The following SLC39A11 variants were observed in gnomAD, a reference collection of about 807,000 sequenced individuals.
SLC39A11 encodes solute carrier family 39 member 11, also known as zinc transporter ZIP11.
In SLC39A11, 33 loss-of-function variants were observed where a neutral mutation model predicts 36.1. That is an observed-to-expected ratio of 0.91 (90% CI 0.69 to 1.22). The LOEUF (loss-of-function observed/expected upper bound fraction) is 1.22, where lower values mean the gene tolerates loss of function less well. Among genes scored for constraint, SLC39A11 ranks in the 50% most tolerant of loss-of-function variants. SLC39A11 has a pLI of 0.00. For missense variants in SLC39A11, 432 were observed against 430.3 expected (o/e 1.00, Z -0.03); for synonymous variants, 166 against 170.3 (o/e 0.97, Z 0.20).
chr17:72,986,350 G>T (rs2088755292), intron 4 of SLC39A11, among the ~76,000 whole-genome samples: 1 of 152,186 alleles, frequency 6.6e-6, no homozygotes, highest in East Asian at 1.9e-4. Context: ...CAAACTGGTG[G>T]TTGCCAAGCC....
chr17:73,041,451 G>A (rs9894261), intron 3 of SLC39A11, among the ~76,000 whole-genome samples: 87,836 of 151,984 alleles, frequency 0.58, 27,353 homozygotes, highest in East Asian at 0.74. Context: ...AGACCTGATG[G>A]AAGCCTGGGT....
intron 6 of SLC39A11, among the ~76,000 whole-genome samples, chr17:72,830,590 C>T (rs989626848): frequency 1.3e-5 from 2 of 152,134 alleles, no homozygotes; most frequent in Non-Finnish European, 2.9e-5. Flanking sequence ...CTCCAGGCAC[C>T]ATCCCCTGTC....
chr17:73,076,340 G>A (rs1299604895), intron 3 of SLC39A11, among the ~76,000 whole-genome samples: 1 of 152,150 alleles, frequency 6.6e-6, no homozygotes, highest in African/African-American at 2.4e-5. Flanking sequence ...AACAACTTGC[G>A]AAATATATTT....
At chr17:72,840,453 G>C (rs528816205) in intron 6 of SLC39A11, among the ~76,000 whole-genome samples, 2 of 152,196 alleles carry the variant, frequency 1.3e-5, no homozygotes, top group Non-Finnish European at 2.9e-5. Flanking sequence ...GGCCCACCTG[G>C]ACAATGTAGA....
intron 4 of SLC39A11, among the ~76,000 whole-genome samples, chr17:72,972,032 CATT>C (rs1380735885): frequency 2.0e-5 from 3 of 152,170 alleles, no homozygotes; most frequent in African/African-American, 7.2e-5. Context: ...TCACCAGAAT[CATT>C]ATTAAACCAA....
rs139099523 is a variant in SLC39A11 at position 72,806,606 on chromosome 17, T to C, written c.601+43028A>G. ...TCACTTTTGCACTTTTTTTTGAGACTGAGTCCCTCTTTGTCGCCCAGACTG... is the reference window on the plus strand; with the variant it reads ...TCACTTTTGCACTTTTTTTTGAGACCGAGTCCCTCTTTGTCGCCCAGACTG... On this transcript the variant is annotated intron_variant, in intron 6 of 9. Coordinates refer to ENST00000255559, the MANE Select transcript of SLC39A11 (RefSeq NM_139177.4). Among the ~76,000 whole-genome samples the C allele has an allele frequency of 7.2e-5, 11 of 152,244 alleles. No individual in the cohort carries two copies. The East Asian group carries it at 1.2e-3, about 16-fold the overall frequency.
At chr17:72,719,415 G>C (rs534219776) in intron 7 of SLC39A11, among the ~76,000 whole-genome samples, 2 of 152,338 alleles carry the variant, frequency 1.3e-5, no homozygotes, top group East Asian at 3.9e-4. Context: ...ACAAGCACCA[G>C]TGCTCCTGAG....
intron 2 of SLC39A11, 101 bp downstream of exon 2, chr17:73,088,556 G>C (rs1473468004): frequency 1.2e-6 from 1 of 857,966 alleles, no homozygotes; most frequent in East Asian, 2.7e-5. Flanking sequence ...GGTGTGGCCA[G>C]GGGCACTGAA....
intron 5 of SLC39A11, among the ~76,000 whole-genome samples, chr17:72,941,817 C>A (rs2085119901): frequency 6.6e-6 from 1 of 151,998 alleles, no homozygotes; most frequent in Non-Finnish European, 1.5e-5. Context: ...TGCCCTCCTG[C>A]AAAATATTTT....
At chr17:72,739,226 C>T (rs2144053302) in intron 6 of SLC39A11, among the ~76,000 whole-genome samples, 1 of 151,722 alleles carries the variant, frequency 6.6e-6, no homozygotes, top group East Asian at 2.0e-4. Context: ...CTCCTGGGTT[C>T]AAGTGAGTCT....
chr17:73,047,804 C>T lies in SLC39A11; in HGVS notation c.148-16090G>A, dbSNP rs2059345615. ...CCAACATGGTGAAACCCCGTCTCTACTAAAAATACAAAAATTAGCTGGGCG... is the reference window on the plus strand; with the variant it reads ...CCAACATGGTGAAACCCCGTCTCTATTAAAAATACAAAAATTAGCTGGGCG... On this transcript the variant is annotated intron_variant, in intron 3 of 9. Transcript: ENST00000255559. Among the ~76,000 whole-genome samples the T allele has an allele frequency of 1.3e-5, 2 of 151,094 alleles. 1 individual carries two copies. The highest frequency in any genetic ancestry group is 4.2e-4 in the South Asian group (2 of 4,772).
intron 3 of SLC39A11, among the ~76,000 whole-genome samples, chr17:73,042,259 A>T (rs2059134094): frequency 6.6e-6 from 1 of 152,234 alleles, no homozygotes; most frequent in Admixed American, 6.5e-5. Context: ...AAATAGGGGA[A>T]AGAAAATTAT....
In SLC39A11 at chr17:72,905,172, C is replaced by CAAAAAAAAAAAAAAAA. The variant is rs58702930; in HGVS notation, c.430+42564_430+42579dup. Among the ~76,000 whole-genome samples the CAAAAAAAAAAAAAAAA allele has an allele frequency of 2.8e-4, 12 of 42,914 alleles. 1 individual carries two copies. Among genetic ancestry groups the CAAAAAAAAAAAAAAAA allele is most frequent in the African/African-American group, 1.1e-3 (12 of 10,972 alleles). The allele number at this position is 42,914 out of a possible 152,430, so 28.2% of individuals were successfully genotyped here. On this transcript the variant is annotated intron_variant, in intron 5 of 9. Coordinates refer to ENST00000255559, the MANE Select transcript of SLC39A11 (RefSeq NM_139177.4). The stretch of plus-strand genomic sequence containing the variant: ...TGGGCAACACAGCGAGACTCCATCT[C>CAAAAAAAAAAAAAAAA]AAAAAAAAAAAAAAAAAAAAAAAAA...
chr17:72,797,585 G>C (rs1406973456), intron 6 of SLC39A11, among the ~76,000 whole-genome samples: 3 of 152,050 alleles, frequency 2.0e-5, no homozygotes, highest in Non-Finnish European at 4.4e-5. Context: ...ATTGACTGTG[G>C]TGCACACATT....
At chr17:72,761,969 G>C (rs888193172) in intron 6 of SLC39A11, among the ~76,000 whole-genome samples, 1 of 152,188 alleles carries the variant, frequency 6.6e-6, no homozygotes, top group African/African-American at 2.4e-5. Context: ...GAGCAGAGAG[G>C]GACAGCAAGT....
intron 6 of SLC39A11, among the ~76,000 whole-genome samples, chr17:72,828,353 G>T (rs895864369): frequency 2.6e-5 from 4 of 152,204 alleles, no homozygotes; most frequent in Non-Finnish European, 5.9e-5. Context: ...GATTCAACTG[G>T]GCATTGCAGG....
chr17:73,084,971 G>C (rs148659192), intron 2 of SLC39A11, 125 bp from the exon 3 acceptor site: 21 of 950,144 alleles, frequency 2.2e-5, no homozygotes, highest in Admixed American at 1.2e-4. Flanking sequence ...CTGAGCTCGT[G>C]AGCTACTCAG....
chr17:72,929,034 G>A (rs1247036619), intron 5 of SLC39A11, among the ~76,000 whole-genome samples: 5 of 152,116 alleles, frequency 3.3e-5, no homozygotes, highest in Admixed American at 6.5e-5. Flanking sequence ...GCCAGGGGCA[G>A]AGCGAACCCA....
chr17:73,070,687 C>T (rs554488599), intron 3 of SLC39A11, among the ~76,000 whole-genome samples: 1 of 152,064 alleles, frequency 6.6e-6, no homozygotes, highest in Non-Finnish European at 1.5e-5. Flanking sequence ...GTGGGAGGGA[C>T]CCGGTGGGAG....
Sources: allele counts gnomAD v4.1 joint callset (sites outside exome capture counted in the v4.1 genomes callset), GRCh38; gene constraint gnomAD v4.1.1; transcripts MANE v1.5; gene names NCBI Gene and HGNC (gene_info 2026-07-23, HGNC 2026-07-21).